ZDHHC20: variants seen among roughly 807,000 people sequenced by gnomAD.
ZDHHC20 encodes the protein zDHHC palmitoyltransferase 20.
In ZDHHC20, 43 loss-of-function variants were observed where a neutral mutation model predicts 57.8. The ratio of observed to expected loss-of-function variants is 0.74; its 90% CI spans 0.58 to 0.96. The LOEUF (loss-of-function observed/expected upper bound fraction) is 0.96, where lower values mean the gene tolerates loss of function less well. Ranked by LOEUF, ZDHHC20 falls within the 40% of genes least tolerant of loss-of-function variation. ZDHHC20 has a pLI of 0.00. For synonymous variants in ZDHHC20, 157 were observed against 153.0 expected, an observed-to-expected ratio of 1.03 and a Z score of -0.19; for missense variants, 391 against 441.1, an observed-to-expected ratio of 0.89 and a Z score of 1.02.
In ZDHHC20 at chr13:21,381,518, G is replaced by A. The variant is rs1164154507; in HGVS notation, c.976C>T (p.Pro326Ser). ...AAGCGGTTTTTTGATTCACTAAGTG[G>A]TTTGATAGGAAAAGGTTGATTTGAG... ...SGSNQPFPIK[P>S]LSESKNRLLD... Residue 326 changes from proline (P) to serine (S), a missense_variant, in exon 11 of 13, where the codon CCA (proline) becomes TCA (serine). Coordinates refer to ENST00000400590, the MANE Select transcript of ZDHHC20 (RefSeq NM_001330059.2). 1.2e-6 allele frequency: 2 copies of A among 1,613,716 alleles called. No individual in the cohort carries two copies. Among genetic ancestry groups the A allele is most frequent in the African/African-American group, 1.3e-5 (1 of 75,006 alleles).
At chr13:21,404,747 C>A (rs1878210851) in intron 4 of ZDHHC20, among the ~76,000 whole-genome samples, 1 of 146,892 alleles carries the variant, frequency 6.8e-6, no homozygotes, top group Non-Finnish European at 1.5e-5. Context: ...GAGCGAGATT[C>A]CATCTCAAAA....
At position 21,401,755 on chromosome 13, in the gene ZDHHC20, CTTT is replaced by C. The variant is rs1250812316; in HGVS notation, c.441-73_441-71del. The stretch of plus-strand genomic sequence containing the variant: ...TCTAATTCTAACTTCTCATAATTTT[CTTT>C]TATTTGACTTAAAATTCCCTTTACA... On this transcript the variant is annotated intron_variant, in intron 5 of 12. Coordinates refer to ENST00000400590, the MANE Select transcript of ZDHHC20 (RefSeq NM_001330059.2). The C allele has an allele frequency of 8.0e-6, 11 of 1,382,200 alleles. No homozygotes were observed. The Admixed American group carries it at 3.0e-4, about 37-fold the overall frequency. The allele number at this position is 1,382,200 out of a possible 1,614,324, so 85.6% of individuals were successfully genotyped here.
chr13:21,452,286 A>G (rs1027860838), intron 1 of ZDHHC20, among the ~76,000 whole-genome samples: 2 of 152,226 alleles, frequency 1.3e-5, no homozygotes, highest in Non-Finnish European at 2.9e-5. Flanking sequence ...GATGACTGCA[A>G]AACTTGGCAA....
intron 1 of ZDHHC20, among the ~76,000 whole-genome samples, chr13:21,433,678 T>C (rs1882244807): frequency 6.6e-6 from 1 of 152,178 alleles, no homozygotes; most frequent in Admixed American, 6.5e-5. Flanking sequence ...TTTGTTTGTT[T>C]GTTCTGGGAG....
intron 7 of ZDHHC20, among the ~76,000 whole-genome samples, chr13:21,400,171 C>T (rs1877417449): frequency 6.6e-6 from 1 of 151,450 alleles, no homozygotes; most frequent in South Asian, 2.1e-4. Flanking sequence ...CTCACTATAT[C>T]CTGTTTAATA....
chr13:21,414,358 CT>C lies in ZDHHC20; in HGVS notation c.250-587del, dbSNP rs1016913595. ...TTCAAGGACAGAGTCCTTTATAGAC[CT>C]TTTTTTTTTCTTTTTTTTTGAGACG... On this transcript the variant is annotated intron_variant, in intron 3 of 12. Transcript: ENST00000400590. Among the ~76,000 whole-genome samples, 108 of 145,344 alleles carry C rather than the reference CT, an allele frequency of 7.4e-4. No homozygotes were observed. The South Asian group carries it at 0.015, about 21-fold the overall frequency.
chr13:21,404,334 G>C (rs771922588), intron 4 of ZDHHC20: 1 of 500,970 alleles, frequency 2.0e-6, no homozygotes, highest in Admixed American at 2.0e-5. Context: ...TTTGTAGACT[G>C]CATGAGGCCT....
chr13:21,436,309 T>C (rs1440710417), intron 1 of ZDHHC20, among the ~76,000 whole-genome samples: 1 of 152,202 alleles, frequency 6.6e-6, no homozygotes, highest in Non-Finnish European at 1.5e-5. Context: ...AAAATACATA[T>C]AGGCACATCT....
intron 7 of ZDHHC20, among the ~76,000 whole-genome samples, chr13:21,395,810 T>C (rs1876692807): frequency 6.6e-6 from 1 of 152,072 alleles, no homozygotes; most frequent in Non-Finnish European, 1.5e-5. Flanking sequence ...CCTATTTTCT[T>C]ATTTTCTATA....
intron 4 of ZDHHC20, among the ~76,000 whole-genome samples, chr13:21,407,184 T>C (rs538106155): frequency 8.5e-5 from 13 of 152,166 alleles, no homozygotes; most frequent in African/African-American, 3.1e-4. Flanking sequence ...TTAGTAGAGA[T>C]GGGGTTTCAC....
chr13:21,457,914 TAAGGAC>T (rs1390822105), intron 1 of ZDHHC20, among the ~76,000 whole-genome samples: 2 of 152,234 alleles, frequency 1.3e-5, no homozygotes, highest in East Asian at 3.8e-4. Flanking sequence ...AGATTCAGTC[TAAGGAC>T]TAAGAGTAGA....
intron 4 of ZDHHC20, among the ~76,000 whole-genome samples, chr13:21,408,432 A>G (rs1204525571): frequency 2.0e-5 from 3 of 152,160 alleles, no homozygotes; most frequent in African/African-American, 7.2e-5. Context: ...TTATTGGCGT[A>G]TAGGAATGCT....
At chr13:21,450,719 G>C (rs1232597046) in intron 1 of ZDHHC20, among the ~76,000 whole-genome samples, 1 of 150,502 alleles carries the variant, frequency 6.6e-6, no homozygotes, top group East Asian at 1.9e-4. Context: ...TCTCGCATCT[G>C]AAAATAGATG....
At chr13:21,401,619 A>C (rs1455515606) in intron 6 of ZDHHC20, 34 bp downstream of exon 6, 1 of 1,527,672 alleles carries the variant, frequency 6.5e-7, no homozygotes, top group East Asian at 2.4e-5. Flanking sequence ...CTCTCTCACC[A>C]CCAATGCAAT....
At chr13:21,401,606 T>TG (rs770870848) in intron 6 of ZDHHC20, 47 bp downstream of exon 6, 1 of 1,510,936 alleles carries the variant, frequency 6.6e-7, no homozygotes. Flanking sequence ...TACTCTAAAT[T>TG]CTCTCTCTCA....
intron 3 of ZDHHC20, among the ~76,000 whole-genome samples, chr13:21,414,814 G>A (rs1006838508): frequency 6.6e-6 from 1 of 151,204 alleles, no homozygotes; most frequent in African/African-American, 2.4e-5. Flanking sequence ...ACATCTCAAG[G>A]ATCCTAAGTT....
In ZDHHC20 at chr13:21,374,540, T is replaced by C. The variant is rs1374317211; in HGVS notation, c.*2156A>G. On this transcript the variant is annotated 3_prime_UTR_variant, in exon 13 of 13. Transcript: ENST00000400590. Reference sequence around the variant, plus strand: ...ATGAGCCACCACACCCAGCAATAATTGGTATCTCTTAAATCTCATTCTAGT... The same window carrying C: ...ATGAGCCACCACACCCAGCAATAATCGGTATCTCTTAAATCTCATTCTAGT... The C allele has an allele frequency of 7.4e-6, 3 of 404,472 alleles. No homozygotes were observed. Among genetic ancestry groups the C allele is most frequent in the Non-Finnish European group, 1.5e-5 (3 of 199,010 alleles). 25.1% of individuals were successfully genotyped at this position (404,472 alleles called of 1,614,324 possible).
At chr13:21,447,085 G>A (rs1883785856) in intron 1 of ZDHHC20, among the ~76,000 whole-genome samples, 1 of 151,882 alleles carries the variant, frequency 6.6e-6, no homozygotes, top group Admixed American at 6.6e-5. Flanking sequence ...TAAAGGTGGG[G>A]GTGGAGCACA....
At chr13:21,406,387 CTA>C (rs1367389762) in intron 4 of ZDHHC20, among the ~76,000 whole-genome samples, 2 of 152,116 alleles carry the variant, frequency 1.3e-5, no homozygotes, top group Non-Finnish European at 2.9e-5. Flanking sequence ...TTGTGCTTTT[CTA>C]TGTTTTTATT....
Sources: gnomAD v4.1 joint callset for allele counts (sites outside exome capture counted in the v4.1 genomes callset) on GRCh38, gnomAD v4.1.1 for gene constraint, MANE v1.5 for transcripts, NCBI Gene and HGNC (gene_info 2026-07-23, HGNC 2026-07-21) for gene names.